Variants in DENND1A observed in about 807,000 individuals in gnomAD.
The protein encoded by DENND1A is DENN domain containing 1A, also known as DENN domain-containing protein 1A.
In DENND1A, 51 loss-of-function variants were observed where a neutral mutation model predicts 113.7. The observed-to-expected ratio is 0.45, with a 90% CI of 0.36 to 0.57. The LOEUF (loss-of-function observed/expected upper bound fraction) is 0.57, where lower values mean the gene tolerates loss of function less well. DENND1A is among the 20% of genes least tolerant of loss of function. The pLI, the probability that DENND1A is intolerant of heterozygous loss-of-function variation, is 0.00. For missense variants in DENND1A, 1,258 were observed against 1,395.9 expected, an observed-to-expected ratio of 0.90 and a Z score of 1.57; for synonymous variants, 565 against 570.8, an observed-to-expected ratio of 0.99 and a Z score of 0.14.
chr9:123,635,149 G>C (rs905942367), intron 9 of DENND1A, among the ~76,000 whole-genome samples: 1 of 152,106 alleles, frequency 6.6e-6, no homozygotes, highest in Non-Finnish European at 1.5e-5. Flanking sequence ...AGATACCAAT[G>C]CCTCCGCTGA....
chr9:123,393,898 C>T (rs966476882), intron 21 of DENND1A, among the ~76,000 whole-genome samples: 4 of 152,208 alleles, frequency 2.6e-5, no homozygotes, highest in African/African-American at 9.7e-5. Context: ...CTTCCCGCCC[C>T]ACTGGGGACT....
intron 9 of DENND1A, among the ~76,000 whole-genome samples, chr9:123,635,087 ATT>A (rs5900582): frequency 3.3e-5 from 5 of 150,774 alleles, no homozygotes; most frequent in African/African-American, 9.8e-5. Flanking sequence ...ACAAGGACAC[ATT>A]TTTTTTTTCA....
chr9:123,820,352 C>T (rs75933194), intron 2 of DENND1A, among the ~76,000 whole-genome samples: 1 of 152,314 alleles, frequency 6.6e-6, no homozygotes, highest in African/African-American at 2.4e-5. Flanking sequence ...CCTTTAGAGA[C>T]TTGGCAACTT....
intron 19 of DENND1A, chr9:123,440,123 T>TC (rs1250506564): frequency 2.3e-6 from 1 of 427,236 alleles, no homozygotes; most frequent in Non-Finnish European, 4.1e-6. Context: ...TTTAATGACT[T>TC]CATTCAACAG....
At chr9:123,883,178 C>G (rs1403776047) in intron 1 of DENND1A, among the ~76,000 whole-genome samples, 1 of 152,234 alleles carries the variant, frequency 6.6e-6, no homozygotes, top group African/African-American at 2.4e-5. Context: ...TATCACCTAA[C>G]TGTAATTCTC....
chr9:123,544,246 T>G (rs186871095), intron 13 of DENND1A, among the ~76,000 whole-genome samples: 11 of 152,350 alleles, frequency 7.2e-5, no homozygotes, highest in Admixed American at 3.9e-4. Flanking sequence ...TTTTAAGTTT[T>G]CATCCAATTA....
At chr9:123,666,981 AGAG>A in intron 8 of DENND1A, 42 bp downstream of exon 8, 1 of 1,507,588 alleles carries the variant, frequency 6.6e-7, no homozygotes, top group Non-Finnish European at 9.0e-7. Context: ...GGCAGAAAAC[AGAG>A]AAGAATAAAA....
intron 2 of DENND1A, among the ~76,000 whole-genome samples, chr9:123,873,798 A>C (rs1326067652): frequency 6.6e-6 from 1 of 151,474 alleles, no homozygotes; most frequent in Non-Finnish European, 1.5e-5. Flanking sequence ...GCTGGAGTGC[A>C]GTGGCACAAT....
intron 1 of DENND1A, among the ~76,000 whole-genome samples, 167 bp downstream of exon 1, chr9:123,929,722 C>G (rs1157858978): frequency 2.6e-5 from 4 of 151,378 alleles, no homozygotes; most frequent in African/African-American, 9.7e-5. Context: ...GCCCCCGCGC[C>G]TCCCTGGATC....
intron 1 of DENND1A, among the ~76,000 whole-genome samples, chr9:123,886,187 G>GT (rs572500526): frequency 1.0e-3 from 148 of 147,058 alleles, no homozygotes; most frequent in East Asian, 4.0e-3. Context: ...TTTTTGTTTT[G>GT]TTTTTTTTTT....
chr9:123,914,205 G>A (rs1470501112), intron 1 of DENND1A, among the ~76,000 whole-genome samples: 2 of 151,962 alleles, frequency 1.3e-5, no homozygotes, highest in East Asian at 1.9e-4. Context: ...GGGCACCTGT[G>A]TTGGTCTGTT....
chr9:123,829,314 A>T (rs996404313), intron 2 of DENND1A, among the ~76,000 whole-genome samples: 2 of 152,116 alleles, frequency 1.3e-5, no homozygotes, highest in African/African-American at 2.4e-5. Flanking sequence ...ACTTTAAGAA[A>T]ATTACACATG....
intron 5 of DENND1A, among the ~76,000 whole-genome samples, chr9:123,681,971 G>A (rs1320811563): frequency 1.3e-5 from 2 of 151,952 alleles, no homozygotes; most frequent in Non-Finnish European, 2.9e-5. Flanking sequence ...ATATCAACAG[G>A]ACACGAAAGC....
intron 19 of DENND1A, among the ~76,000 whole-genome samples, chr9:123,427,800 G>A (rs1310539497): frequency 6.6e-6 from 1 of 152,122 alleles, no homozygotes; most frequent in African/African-American, 2.4e-5. Context: ...AAAACCCTTG[G>A]CCTCAATAAT....
Position 123,434,658 on chromosome 9 carries a change from C to A in DENND1A, c.1488+5702G>T, listed in dbSNP as rs142755759. ...GCGTGTGCATAGTCCTGGGGTAGCA[C>A]GAGGACAGAAGCAACTCACTCTTCC... On this transcript the variant is annotated intron_variant, in intron 19 of 23. Transcript: ENST00000394215. 9.5e-4 allele frequency among the ~76,000 whole-genome samples: 145 copies of A among 152,174 alleles called. 2 individuals carry two copies. In the East Asian group the frequency reaches 0.019, roughly 20 times the overall value.
At chr9:123,828,893 AG>A (rs1795167788) in intron 2 of DENND1A, among the ~76,000 whole-genome samples, 1 of 152,204 alleles carries the variant, frequency 6.6e-6, no homozygotes, top group African/African-American at 2.4e-5. Context: ...GATCTCTTCT[AG>A]GACAAGGACC....
intron 3 of DENND1A, among the ~76,000 whole-genome samples, chr9:123,783,948 G>A (rs1035377765): frequency 2.0e-5 from 3 of 152,178 alleles, no homozygotes; most frequent in African/African-American, 7.2e-5. Flanking sequence ...TAAAAGCTAA[G>A]GCTGAAGTGA....
At chr9:123,508,534 G>A (rs2053168408) in intron 13 of DENND1A, among the ~76,000 whole-genome samples, 1 of 152,124 alleles carries the variant, frequency 6.6e-6, no homozygotes, top group African/African-American at 2.4e-5. Flanking sequence ...TCTTGTAATT[G>A]TGCCATGATC....
At chr9:123,630,762 T>C (rs2061441081) in intron 9 of DENND1A, among the ~76,000 whole-genome samples, 1 of 152,200 alleles carries the variant, frequency 6.6e-6, no homozygotes, top group African/African-American at 2.4e-5. Flanking sequence ...GATTTAACAT[T>C]GTAGGTTATT....
Sources: gnomAD v4.1 joint callset for allele counts (sites outside exome capture counted in the v4.1 genomes callset) on GRCh38, gnomAD v4.1.1 for gene constraint, MANE v1.5 for transcripts, NCBI Gene and HGNC (gene_info 2026-07-23, HGNC 2026-07-21) for gene names.